The following PANK2 variants were observed in gnomAD, a reference collection of about 807,000 sequenced individuals.
PANK2 encodes the protein pantothenate kinase 2.
Under a neutral mutation model 43.1 loss-of-function variants are expected in PANK2, and 36 were observed. That is an observed-to-expected ratio of 0.84 (90% CI 0.64 to 1.10). PANK2 has a LOEUF of 1.10. Among genes scored for constraint, PANK2 ranks in the 50% least tolerant of loss-of-function variants. The pLI, the probability that PANK2 is intolerant of heterozygous loss-of-function variation, is 0.00. For missense variants in PANK2, 576 were observed against 593.3 expected, an observed-to-expected ratio of 0.97 and a Z score of 0.30; for synonymous variants, 281 against 238.2, an observed-to-expected ratio of 1.18 and a Z score of -1.66.
chr20:3,893,731 G>A (rs1340088210), intron 1 of PANK2, among the ~76,000 whole-genome samples: 1 of 151,940 alleles, frequency 6.6e-6, no homozygotes, highest in East Asian at 1.9e-4. Context: ...ATTTTTTCTT[G>A]GCTTTCCGAG....
chr20:3,894,051 A>C (rs1600492178), intron 1 of PANK2, among the ~76,000 whole-genome samples: 1 of 145,964 alleles, frequency 6.9e-6, no homozygotes, highest in African/African-American at 2.6e-5. Context: ...CCTGCCTCAG[A>C]CTCGCAAGTA....
chr20:3,918,838 G>A (rs1208251573), intron 6 of PANK2, 42 bp downstream of exon 6: 1 of 1,613,890 alleles, frequency 6.2e-7, no homozygotes, highest in East Asian at 2.2e-5. Flanking sequence ...GTACACAGAG[G>A]GCTTGTGGGT....
rs2090789790 is a variant in PANK2 at position 3,929,564 on chromosome 20, A to G, written c.*6270A>G. 1 of 152,342 alleles carries G rather than the reference A, an allele frequency of 6.6e-6. No individual in the cohort carries two copies. Among genetic ancestry groups the G allele is most frequent in the Non-Finnish European group, 1.5e-5 (1 of 68,138 alleles). The allele number at this position is 152,342 out of a possible 1,614,324, so 9.4% of individuals were successfully genotyped here. A position where few individuals can be genotyped will look rare whatever the true frequency, so the allele number is the denominator to read the frequency against. On this transcript the variant is annotated 3_prime_UTR_variant, in exon 7 of 7. Coordinates refer to ENST00000610179, the MANE Select transcript of PANK2 (RefSeq NM_001386393.1). ...CTCAAACTCCTGCATCAAAGACACAAGAGCTTGCCTAAGTGACCACAACAG... is the reference window on the plus strand; with the variant it reads ...CTCAAACTCCTGCATCAAAGACACAGGAGCTTGCCTAAGTGACCACAACAG...
chr20:3,901,053 A>ATTAT lies in PANK2; in HGVS notation c.299-6853_299-6850dup, dbSNP rs569670684. ...CCAGAGTGCTGGGATTACAGGCTTT[A>ATTAT]TTATTTATTTATTTATTTATTTAAG... On this transcript the variant is annotated intron_variant, in intron 1 of 6. Transcript: ENST00000610179. Among the ~76,000 whole-genome samples, 1,015 of 151,506 alleles carry ATTAT rather than the reference A, an allele frequency of 6.7e-3. 5 individuals carry two copies. The highest frequency in any genetic ancestry group is 0.022 in the African/African-American group (906 of 41,340).
rs112073500 is a variant in PANK2, at chr20:3,924,731, C to T, written c.*1437C>T. On this transcript the variant is annotated 3_prime_UTR_variant, in exon 7 of 7. Coordinates refer to ENST00000610179, the MANE Select transcript of PANK2 (RefSeq NM_001386393.1). The stretch of plus-strand genomic sequence containing the variant: ...ACGCCCTGATCCTGAGTTCCTCTGC[C>T]CTCCTCTGCTGCCAGCAGCGCTGTT... The T allele has an allele frequency of 6.5e-6, 1 of 153,354 alleles. No individual in the cohort carries two copies. 9.5% of individuals were successfully genotyped at this position (153,354 alleles called of 1,614,324 possible).
chr20:3,907,581 G>GA (rs1050744913), intron 1 of PANK2, among the ~76,000 whole-genome samples: 3 of 152,120 alleles, frequency 2.0e-5, no homozygotes, highest in African/African-American at 7.2e-5. Context: ...AAGCCGATAG[G>GA]AAAGAGAGAT....
Position 3,926,839 on chromosome 20 carries a change from A to G in PANK2, c.*3545A>G, listed in dbSNP as rs1426840368. ...GTGCCTGTAATCCCAGGTACTCGAG[A>G]GGCTGAGGCAGACAGTTGCTTGAAC... On this transcript the variant is annotated 3_prime_UTR_variant, in exon 7 of 7. Coordinates refer to ENST00000610179, the MANE Select transcript of PANK2 (RefSeq NM_001386393.1). 1 of 148,592 alleles carries G rather than the reference A, an allele frequency of 6.7e-6. No homozygotes were observed. 9.2% of individuals were successfully genotyped at this position (148,592 alleles called of 1,614,324 possible).
chr20:3,909,662 T>G (rs1189185615), intron 2 of PANK2, among the ~76,000 whole-genome samples: 1 of 152,174 alleles, frequency 6.6e-6, no homozygotes, highest in Non-Finnish European at 1.5e-5. Context: ...CCATCTCAGC[T>G]CACTGCAACC....
chr20:3,889,471 TG>T lies in PANK2; in HGVS notation c.44del (p.Gly15GlufsTer80). 6.5e-7 allele frequency: 1 copy of T among 1,535,276 alleles called. No individual in the cohort carries two copies. The highest frequency in any genetic ancestry group is 8.7e-7 in the Non-Finnish European group (1 of 1,148,592). On this transcript the variant is annotated frameshift_variant, in exon 1 of 7. Coordinates refer to ENST00000610179, the MANE Select transcript of PANK2 (RefSeq NM_001386393.1). LOFTEE classifies it high-confidence loss of function. ...GGGCGGCAGCGACTGCTGCTGCGGA[TG>T]GGAGGGGGCCGGCTCGGCGCGCCCA...
intron 1 of PANK2, among the ~76,000 whole-genome samples, chr20:3,902,465 G>A (rs1238277446): frequency 6.6e-6 from 1 of 151,792 alleles, no homozygotes; most frequent in African/African-American, 2.4e-5. Context: ...TTTTAGTAGA[G>A]GTGGGGTTTC....
In PANK2 at chr20:3,916,946, A is replaced by G. The variant is rs559623184; in HGVS notation, c.1102A>G (p.Lys368Glu). The G allele has an allele frequency of 7.2e-5, 116 of 1,614,136 alleles. 2 individuals carry two copies. In the South Asian group the frequency reaches 1.2e-3, roughly 16 times the overall value. Residue 368 changes from lysine to glutamate, a missense_variant, in exon 5 of 7, where the codon AAG (lysine) becomes GAG (glutamate). Around this residue, in one of 2 missense-constraint regions of PANK2, gnomAD observed 544 missense variants for 528.9 expected, o/e 1.03. Coordinates refer to ENST00000610179, the MANE Select transcript of PANK2 (RefSeq NM_001386393.1). ...TCACAGCTTTGGAAACATGATGAGC[A>G]AGGAGAAGCGAGAGGCTGTCAGTAA...
At chr20:3,889,320 G>C (rs750400995), upstream of PANK2, 1 of 1,592,766 alleles carries the variant, frequency 6.3e-7, no homozygotes, top group Non-Finnish European at 8.5e-7. Context: ...GCCGTCCCCA[G>C]CCTCGTCGGA....
chr20:3,918,404 A>G (rs2090596366), intron 5 of PANK2, among the ~76,000 whole-genome samples: 1 of 151,950 alleles, frequency 6.6e-6, no homozygotes, highest in Admixed American at 6.6e-5. Flanking sequence ...AAAACATTGT[A>G]TTCAAAACTA....
At chr20:3,911,642 A>G (rs1205687013) in intron 3 of PANK2, among the ~76,000 whole-genome samples, 1 of 151,662 alleles carries the variant, frequency 6.6e-6, no homozygotes, top group Admixed American at 6.6e-5. Flanking sequence ...CTGTAATCCC[A>G]GCACTTTGGG....
intron 4 of PANK2, among the ~76,000 whole-genome samples, chr20:3,915,416 A>T (rs1444502730): frequency 6.6e-6 from 1 of 152,014 alleles, no homozygotes; most frequent in Non-Finnish European, 1.5e-5. Context: ...CTCCTGCCTC[A>T]GCCTCCTGAG....
rs1440230611 is a variant in PANK2 at position 3,926,155 on chromosome 20, C to T, written c.*2861C>T. ...GAGGGAGGAGAGATACAAGAGGGCA[C>T]CTGGGCTCATTTGTGGACTACGTGA... On this transcript the variant is annotated 3_prime_UTR_variant, in exon 7 of 7. Transcript: ENST00000610179. 6.6e-6 allele frequency: 1 copy of T among 152,246 alleles called. No homozygotes were observed. Among genetic ancestry groups the T allele is most frequent in the African/African-American group, 2.4e-5 (1 of 41,362 alleles). 9.4% of individuals were successfully genotyped at this position (152,246 alleles called of 1,614,324 possible).
chr20:3,906,861 C>T (rs530570677), intron 1 of PANK2, among the ~76,000 whole-genome samples: 3 of 151,132 alleles, frequency 2.0e-5, no homozygotes, highest in Non-Finnish European at 3.0e-5. Flanking sequence ...TGCAGTGGTG[C>T]GATCTTGGCT....
chr20:3,889,033 C>T, upstream of PANK2: 1 of 1,347,726 alleles, frequency 7.4e-7, no homozygotes, highest in Non-Finnish European at 1.0e-6. Flanking sequence ...CTCGGGGTCG[C>T]CCCAGGAGAG....
chr20:3,898,353 C>T (rs1303813191), intron 1 of PANK2, among the ~76,000 whole-genome samples: 1 of 152,030 alleles, frequency 6.6e-6, no homozygotes, highest in East Asian at 1.9e-4. Context: ...GCGCCCACCA[C>T]CATGCCTGAC....
Sources: allele counts gnomAD v4.1 joint callset (sites outside exome capture counted in the v4.1 genomes callset), GRCh38; gene constraint gnomAD v4.1.1; regional missense constraint gnomAD v4.1.1; transcripts MANE v1.5; gene names NCBI Gene and HGNC (gene_info 2026-07-23, HGNC 2026-07-21).